CCDC178: variants seen among roughly 807,000 people sequenced by gnomAD.
CCDC178 encodes the protein coiled-coil domain containing 178, also known as coiled-coil domain-containing protein 178.
CCDC178 carries 126 observed loss-of-function variants against 117.4 expected under a neutral mutation model. That is an observed-to-expected ratio of 1.07 (90% CI 0.93 to 1.24). The LOEUF (loss-of-function observed/expected upper bound fraction) is 1.24. CCDC178 is among the 50% of genes most tolerant of loss of function. The probability of loss-of-function intolerance (pLI) is 0.00; values close to 1 mark genes in which losing one functional copy is unlikely to be tolerated. For missense variants in CCDC178, 1,030 were observed against 986.9 expected, an observed-to-expected ratio of 1.04 and a Z score of -0.59; for synonymous variants, 283 against 313.4, an observed-to-expected ratio of 0.90 and a Z score of 1.02.
intron 21 of CCDC178, among the ~76,000 whole-genome samples, chr18:33,062,190 G>A (rs2056934275): frequency 6.6e-6 from 1 of 152,110 alleles, no homozygotes; most frequent in Admixed American, 6.5e-5. Flanking sequence ...TAGCAAAACA[G>A]ATGCTCTAAA....
intron 2 of CCDC178, among the ~76,000 whole-genome samples, chr18:33,431,597 TTAAAC>T (rs1368568794): frequency 2.0e-5 from 3 of 152,160 alleles, no homozygotes; most frequent in Non-Finnish European, 2.9e-5. Context: ...ATATACAACT[TTAAAC>T]TAATCTTGTT....
intron 2 of CCDC178, among the ~76,000 whole-genome samples, chr18:33,430,037 T>C (rs1260433315): frequency 6.6e-6 from 1 of 152,176 alleles, no homozygotes; most frequent in East Asian, 1.9e-4. Context: ...AGCTAAGAGA[T>C]AATATTGGTT....
At chr18:33,057,173 A>C (rs554415342) in intron 21 of CCDC178, among the ~76,000 whole-genome samples, 22 of 152,320 alleles carry the variant, frequency 1.4e-4, no homozygotes, top group African/African-American at 5.1e-4. Context: ...AAACTACATA[A>C]GTTTCTAAGG....
At chr18:33,163,397 T>C (rs1022922911) in intron 20 of CCDC178, among the ~76,000 whole-genome samples, 28 of 152,192 alleles carry the variant, frequency 1.8e-4, no homozygotes, top group Non-Finnish European at 4.4e-5. Flanking sequence ...CTCATTTAAA[T>C]AGATGCTTTT....
chr18:33,065,324 ATATATATG>A (rs2056993534), intron 21 of CCDC178, among the ~76,000 whole-genome samples: 1 of 152,144 alleles, frequency 6.6e-6, no homozygotes, highest in African/African-American at 2.4e-5. Flanking sequence ...ATTATACAAC[ATATATATG>A]TATTGAAACA....
At chr18:33,162,749 CAA>C (rs1354307088) in intron 20 of CCDC178, among the ~76,000 whole-genome samples, 1 of 152,168 alleles carries the variant, frequency 6.6e-6, no homozygotes, top group Non-Finnish European at 1.5e-5. Flanking sequence ...CATGTTCCCG[CAA>C]AAGACATGAT....
chr18:33,022,380 T>C (rs970077749), intron 21 of CCDC178, among the ~76,000 whole-genome samples: 3 of 152,202 alleles, frequency 2.0e-5, no homozygotes, highest in Admixed American at 1.3e-4. Context: ...TTCTAAATTA[T>C]ATTTGGTGGT....
At chr18:33,361,788 A>G (rs2063131680) in intron 6 of CCDC178, among the ~76,000 whole-genome samples, 1 of 151,916 alleles carries the variant, frequency 6.6e-6, no homozygotes, top group Non-Finnish European at 1.5e-5. Flanking sequence ...ACTACTATAA[A>G]AAAGACAAGA....
At chr18:33,006,875 C>T (rs567893673) in intron 21 of CCDC178, among the ~76,000 whole-genome samples, 17 of 152,086 alleles carry the variant, frequency 1.1e-4, no homozygotes, top group East Asian at 3.9e-4. Flanking sequence ...CTGATTTCTG[C>T]CAACAATACA....
chr18:33,223,242 G>A (rs755143224), intron 17 of CCDC178, 23 bp from the exon 18 acceptor site: 6 of 1,570,098 alleles, frequency 3.8e-6, no homozygotes, highest in Non-Finnish European at 5.2e-6. Context: ...CAGATATTAA[G>A]ATGTGCAGCA....
Position 33,395,717 on chromosome 18 carries a change from T to G in CCDC178, c.118+1432A>C, listed in dbSNP as rs543813796. Among the ~76,000 whole-genome samples, 14 of 152,196 alleles carry G rather than the reference T, an allele frequency of 9.2e-5. No individual in the cohort carries two copies. The South Asian group carries it at 2.1e-3, about 23-fold the overall frequency. On this transcript the variant is annotated intron_variant, in intron 4 of 22. Transcript: ENST00000383096. ...TACTCTGGAAGAAGTCATCTGTATT[T>G]TAAGCATCATGGAATGCCCATGAAT...
chr18:33,057,837 G>T (rs948706227), intron 21 of CCDC178, among the ~76,000 whole-genome samples: 2 of 151,952 alleles, frequency 1.3e-5, no homozygotes, highest in Non-Finnish European at 2.9e-5. Flanking sequence ...GAATATGAGA[G>T]AACAGAAAAT....
At chr18:33,153,392 AG>A (rs2058361117) in intron 20 of CCDC178, among the ~76,000 whole-genome samples, 1 of 152,072 alleles carries the variant, frequency 6.6e-6, no homozygotes, top group South Asian at 2.1e-4. Context: ...AATTGAAAAT[AG>A]GCAAAGCATT....
Position 33,266,030 on chromosome 18 carries a change from C to G in CCDC178, c.1409+886G>C, listed in dbSNP as rs141726370. On this transcript the variant is annotated intron_variant, in intron 14 of 22. Transcript: ENST00000383096. ...ACCAAGAATACTAGTATAGTAGTTG[C>G]AGGAAAAATTGAGAGTGGACTGAAG... 2.0e-5 allele frequency among the ~76,000 whole-genome samples: 3 copies of G among 151,990 alleles called. No individual in the cohort carries two copies. The East Asian group carries it at 5.8e-4, about 29-fold the overall frequency.
intron 21 of CCDC178, among the ~76,000 whole-genome samples, chr18:33,051,715 A>G (rs916570518): frequency 6.6e-6 from 1 of 152,226 alleles, no homozygotes; most frequent in Non-Finnish European, 1.5e-5. Context: ...ATTTTTGCTC[A>G]GTCCAGGGGC....
intron 14 of CCDC178, among the ~76,000 whole-genome samples, chr18:33,263,982 G>T (rs2059783460): frequency 6.6e-6 from 1 of 151,786 alleles, no homozygotes; most frequent in Non-Finnish European, 1.5e-5. Flanking sequence ...AGAAGTAGAA[G>T]CAAATTACAA....
Position 33,333,191 on chromosome 18 carries a change from AATG to A in CCDC178, c.859_861del (p.His287del). ...TTATTTACCTCCATTTTTTTTTTAT[AATG>A]GTTCTTCAGATCTTGAAGTTCCTGA... On this transcript the variant is annotated inframe_deletion, in exon 10 of 23. Coordinates refer to ENST00000383096, the MANE Select transcript of CCDC178 (RefSeq NM_001105528.4). 6.3e-7 allele frequency: 1 copy of A among 1,583,314 alleles called. No homozygotes were observed. Among genetic ancestry groups the A allele is most frequent in the Non-Finnish European group, 8.6e-7 (1 of 1,165,606 alleles).
rs553644428 is a variant in CCDC178, at chr18:33,204,584, A to T, written c.2238+7312T>A. ...TTTACAGTTAAGGACTGAGATTGTG[A>T]CATTAAAAAATTTATATACCACCAT... On this transcript the variant is annotated intron_variant, in intron 20 of 22. Transcript: ENST00000383096. Among the ~76,000 whole-genome samples the T allele has an allele frequency of 4.0e-4, 61 of 152,254 alleles. 1 individual carries two copies. The highest frequency in any genetic ancestry group is 3.4e-3 in the Middle Eastern group (1 of 294).
At chr18:33,003,143 T>C (rs1026132424) in intron 21 of CCDC178, among the ~76,000 whole-genome samples, 4 of 152,004 alleles carry the variant, frequency 2.6e-5, no homozygotes, top group African/African-American at 9.7e-5. Flanking sequence ...TTCTGAAAAA[T>C]AGAGGAGTTA....
Sources: allele counts gnomAD v4.1 joint callset (sites outside exome capture counted in the v4.1 genomes callset), GRCh38; gene constraint gnomAD v4.1.1; transcripts MANE v1.5; gene names NCBI Gene and HGNC (gene_info 2026-07-23, HGNC 2026-07-21).